The following ELOVL2 variants were observed in gnomAD, a reference collection of about 807,000 sequenced individuals.
ELOVL2 encodes very long chain fatty acid elongase 2.
A neutral mutation model predicts 37.7 loss-of-function variants in ELOVL2; 38 were observed. That is an observed-to-expected ratio of 1.01 (90% CI 0.78 to 1.32). The LOEUF is 1.32. Ranked by LOEUF, ELOVL2 falls within the 40% of genes most tolerant of loss-of-function variation. ELOVL2 has a pLI of 0.00. For synonymous variants in ELOVL2, 115 were observed against 122.3 expected (o/e 0.94, Z 0.40); for missense variants, 352 against 363.6 (o/e 0.97, Z 0.26).
chr6:11,012,799 A>G (rs1390138353), intron 1 of ELOVL2, among the ~76,000 whole-genome samples: 1 of 152,228 alleles, frequency 6.6e-6, no homozygotes, highest in Non-Finnish European at 1.5e-5. Flanking sequence ...GATTTTATAT[A>G]CTAGCACTGT....
intron 1 of ELOVL2, among the ~76,000 whole-genome samples, chr6:11,033,351 T>G (rs1029425112): frequency 6.6e-6 from 1 of 152,228 alleles, no homozygotes; most frequent in African/African-American, 2.4e-5. Flanking sequence ...GAGTTTCTGA[T>G]GTATTTAGGA....
chr6:11,044,080 G>T lies in ELOVL2; in HGVS notation c.3+148C>A, dbSNP rs1783165339. On this transcript the variant is annotated intron_variant, in intron 1 of 7. Transcript: ENST00000354666. This position sits in a 1 kb window ranked among gnomAD's most constrained non-coding sequence, Gnocchi z 5.6. ...CAGCTCCCGCTCCCCAGGCCCGCGC[G>T]GACCCGGCCCCTCCGAGGGTAGCGG... 4 of 1,046,042 alleles carry T rather than the reference G, an allele frequency of 3.8e-6. No homozygotes were observed. The highest frequency in any genetic ancestry group is 9.1e-5 in the Admixed American group (2 of 22,006). The allele number at this position is 1,046,042 out of a possible 1,614,324, so 64.8% of individuals were successfully genotyped here. A position where few individuals can be genotyped will look rare whatever the true frequency, so the allele number is the denominator to read the frequency against.
At chr6:11,010,837 A>C (rs1399839617) in intron 1 of ELOVL2, 28 bp from the exon 2 acceptor site, 3 of 1,579,644 alleles carry the variant, frequency 1.9e-6, no homozygotes, top group Non-Finnish European at 2.6e-6. Flanking sequence ...AAATGATTTA[A>C]GTGTTTTTTT....
At chr6:11,022,502 G>A (rs1782778430) in intron 1 of ELOVL2, among the ~76,000 whole-genome samples, 2 of 152,198 alleles carry the variant, frequency 1.3e-5, no homozygotes, top group Non-Finnish European at 2.9e-5. Context: ...AACTCTCTGG[G>A]TATGGGTATG....
At chr6:11,039,409 T>C (rs1783066470) in intron 1 of ELOVL2, among the ~76,000 whole-genome samples, 2 of 152,198 alleles carry the variant, frequency 1.3e-5, no homozygotes, top group Admixed American at 1.3e-4. Context: ...TGATTGTGAT[T>C]ATTAATCAGT....
At chr6:11,039,103 T>C (rs1400470059) in intron 1 of ELOVL2, among the ~76,000 whole-genome samples, 2 of 152,296 alleles carry the variant, frequency 1.3e-5, no homozygotes, top group South Asian at 2.1e-4. Flanking sequence ...GAAAGATGTA[T>C]ACAGCCAAAG....
intron 1 of ELOVL2, among the ~76,000 whole-genome samples, chr6:11,028,380 T>C (rs1215293865): frequency 1.3e-5 from 2 of 152,244 alleles, no homozygotes. Context: ...ATAGAGATTC[T>C]GCCTTTGACT....
chr6:10,989,939 T>C, intron 6 of ELOVL2, 102 bp from the exon 7 acceptor site: 1 of 1,350,254 alleles, frequency 7.4e-7, no homozygotes, highest in Non-Finnish European at 1.0e-6. Context: ...CTAGGACTCT[T>C]GGAATTATGT....
At chr6:11,010,928 G>A in intron 1 of ELOVL2, 119 bp from the exon 2 acceptor site, 1 of 701,654 alleles carries the variant, frequency 1.4e-6, no homozygotes, top group South Asian at 1.7e-5. Flanking sequence ...CAGCTTCAAG[G>A]ACTTTTGACT....
chr6:11,015,521 G>T (rs1405328772), intron 1 of ELOVL2: 1 of 153,236 alleles, frequency 6.5e-6, no homozygotes, highest in African/African-American at 2.4e-5. Context: ...CCACCACCAG[G>T]AATCAGTGTG....
intron 5 of ELOVL2, among the ~76,000 whole-genome samples, chr6:10,994,736 G>A (rs566978769): frequency 3.3e-5 from 5 of 152,300 alleles, no homozygotes; most frequent in East Asian, 3.9e-4. Context: ...AGCAGCTCCC[G>A]CTGGGGTATG....
chr6:11,028,594 T>A (rs890578996), intron 1 of ELOVL2, among the ~76,000 whole-genome samples: 1 of 135,240 alleles, frequency 7.4e-6, no homozygotes, highest in Non-Finnish European at 1.5e-5. Flanking sequence ...TTTTATGGTA[T>A]TTTTTTTTTC....
intron 4 of ELOVL2, among the ~76,000 whole-genome samples, chr6:10,997,636 ATT>A (rs1195645956): frequency 6.6e-6 from 1 of 152,134 alleles, no homozygotes; most frequent in African/African-American, 2.4e-5. Flanking sequence ...TCGTAGTATC[ATT>A]TGTTTCTCTA....
At chr6:11,031,362 T>C (rs926664471) in intron 1 of ELOVL2, among the ~76,000 whole-genome samples, 1 of 152,228 alleles carries the variant, frequency 6.6e-6, no homozygotes, top group Non-Finnish European at 1.5e-5. Flanking sequence ...GCTCTAAAAA[T>C]GTATGGAACT....
chr6:10,984,304 C>CA (rs1415261247), intron 7 of ELOVL2, among the ~76,000 whole-genome samples: 1 of 152,164 alleles, frequency 6.6e-6, no homozygotes, highest in Non-Finnish European at 1.5e-5. Context: ...AGGCGTGAGC[C>CA]ACTGTGCCCA....
intron 1 of ELOVL2, among the ~76,000 whole-genome samples, chr6:11,026,981 C>T (rs1782846593): frequency 6.6e-6 from 1 of 152,114 alleles, no homozygotes; most frequent in Non-Finnish European, 1.5e-5. Context: ...ACCTCACATC[C>T]TTATCATTTT....
chr6:11,037,539 TAAAAAA>T (rs35799154), intron 1 of ELOVL2, among the ~76,000 whole-genome samples: 1 of 138,996 alleles, frequency 7.2e-6, no homozygotes, highest in Non-Finnish European at 1.6e-5. Flanking sequence ...CTCGTTCTAC[TAAAAAA>T]AAAAAAAAAA....
At chr6:11,030,279 AAAC>A (rs1257952793) in intron 1 of ELOVL2, among the ~76,000 whole-genome samples, 3 of 152,172 alleles carry the variant, frequency 2.0e-5, no homozygotes, top group African/African-American at 7.2e-5. Context: ...GGGTCTAAGA[AAAC>A]AATAGAAGGC....
intron 2 of ELOVL2, among the ~76,000 whole-genome samples, chr6:11,010,277 C>T (rs370153322): frequency 6.6e-5 from 10 of 152,002 alleles, no homozygotes; most frequent in East Asian, 1.9e-4. Flanking sequence ...CCACCTCAGC[C>T]TCCCAAAGTG....
Sources: gnomAD v4.1 joint callset for allele counts (sites outside exome capture counted in the v4.1 genomes callset) on GRCh38, gnomAD v4.1.1 for gene constraint, Gnocchi (gnomAD v3.1) non-coding constraint, MANE v1.5 for transcripts, NCBI Gene and HGNC (gene_info 2026-07-23, HGNC 2026-07-21) for gene names.